The following SCAP variants were observed in gnomAD, a reference collection of about 807,000 sequenced individuals.
SCAP encodes SREBF chaperone, also known as sterol regulatory element-binding protein cleavage-activating protein.
SCAP carries 65 observed loss-of-function variants against 123.6 expected under a neutral mutation model. The ratio of observed to expected loss-of-function variants is 0.53; its 90% CI spans 0.43 to 0.65. The LOEUF (loss-of-function observed/expected upper bound fraction) is 0.65. Ranked by LOEUF, SCAP falls within the 30% of genes least tolerant of loss-of-function variation. SCAP has a pLI of 0.00. For synonymous variants in SCAP, 740 were observed against 726.3 expected (o/e 1.02, Z -0.30); for missense variants, 1,398 against 1,712.5 (o/e 0.82, Z 3.24).
intron 2 of SCAP, among the ~76,000 whole-genome samples, chr3:47,438,328 A>G (rs1360771565): frequency 6.6e-6 from 1 of 152,150 alleles, no homozygotes; most frequent in Non-Finnish European, 1.5e-5. Flanking sequence ...CTCAAAAACC[A>G]TTTATTAAGT....
Position 47,449,879 on chromosome 3 carries a change from T to A in SCAP, c.-98-6788A>T, listed in dbSNP as rs1316329921. On this transcript the variant is annotated intron_variant, in intron 1 of 22. Coordinates refer to ENST00000265565, the MANE Select transcript of SCAP (RefSeq NM_012235.4). ...CATGCATTCTGTCCAGGGATTTCAG[T>A]TGCTCTCTTCAGACATAAAGGGTGG... Among the ~76,000 whole-genome samples, 5 of 125,734 alleles carry A rather than the reference T, an allele frequency of 4.0e-5. 2 individuals are homozygous for A. Among genetic ancestry groups the A allele is most frequent in the Non-Finnish European group, 5.3e-5 (3 of 56,574 alleles). The allele number at this position is 125,734 out of a possible 152,430, so 82.5% of individuals were successfully genotyped here. A position where few individuals can be genotyped will look rare whatever the true frequency, so the allele number is the denominator to read the frequency against.
intron 1 of SCAP, among the ~76,000 whole-genome samples, chr3:47,464,839 T>C (rs1304931101): frequency 1.3e-5 from 2 of 152,206 alleles, no homozygotes; most frequent in African/African-American, 4.8e-5. Context: ...ATTATTTCCG[T>C]TCCTAGATGA....
In SCAP at chr3:47,426,185, G is replaced by C; in HGVS notation, c.738-16C>G. 1 of 1,609,232 alleles carries C rather than the reference G, an allele frequency of 6.2e-7. No homozygotes were observed. Among genetic ancestry groups the C allele is most frequent in the Non-Finnish European group, 8.5e-7 (1 of 1,178,698 alleles). On this transcript the variant is annotated splice_polypyrimidine_tract_variant and intron_variant, in intron 6 of 22. Transcript: ENST00000265565. ...GCCCAGGAACCTGGTCAAGGAGCAG[G>C]GTGGGGGTAAATGGAAGTGTTGCTC...
chr3:47,425,359 T>G (rs1706078744), intron 8 of SCAP, 126 bp downstream of exon 8: 2 of 1,029,704 alleles, frequency 1.9e-6, no homozygotes, highest in Admixed American at 3.1e-5. Context: ...ACCTCTTAAA[T>G]GTCAAAAACA....
chr3:47,442,892 C>A lies in SCAP; in HGVS notation c.102G>T (p.Gly34=). 6.2e-7 allele frequency: 1 copy of A among 1,614,168 alleles called. No individual in the cohort carries two copies. ...SYPIPIILFT[G]FCILACCYPL... ...CATACCAGCAGGCTAAGATGCAGAA[C>A]CCTGTGAAGAGGATGATGGGGATGG... The change falls in exon 2 of 23, where the codon GGG becomes GGT. Residue 34 remains glycine (G), a synonymous_variant. Transcript: ENST00000265565.
chr3:47,475,293 T>A (rs1708224022), intron 1 of SCAP: 1 of 152,238 alleles, frequency 6.6e-6, no homozygotes, highest in East Asian at 1.9e-4. Context: ...CACTCAGAAG[T>A]AAACAGAAGC....
intron 19 of SCAP, 28 bp downstream of exon 19, chr3:47,415,070 A>G (rs1426698758): frequency 6.3e-7 from 1 of 1,586,970 alleles, no homozygotes; most frequent in South Asian, 1.1e-5. Context: ...ACCAAGTGTG[A>G]ACACCTGCCC....
At chr3:47,426,603 A>G (rs997676242) in intron 6 of SCAP, among the ~76,000 whole-genome samples, 2 of 151,820 alleles carry the variant, frequency 1.3e-5, no homozygotes, top group Non-Finnish European at 2.9e-5. Flanking sequence ...ACGCCCGGCT[A>G]ATTTTTTGTA....
In SCAP at chr3:47,414,611, C is replaced by CA; in HGVS notation, c.3347_3348insT (p.Gln1116HisfsTer13). ...CGGTCGTGATGGCCCCTGAGTGGCC[C>CA]TGAAGGGTGAAGAGGCAGCACGAGT... On this transcript the variant is annotated frameshift_variant, in exon 21 of 23. Coordinates refer to ENST00000265565, the MANE Select transcript of SCAP (RefSeq NM_012235.4). LOFTEE classifies it high-confidence loss of function. 1.9e-6 allele frequency: 3 copies of CA among 1,613,460 alleles called. No individual in the cohort carries two copies. The highest frequency in any genetic ancestry group is 2.5e-6 in the Non-Finnish European group (3 of 1,180,030).
intron 2 of SCAP, among the ~76,000 whole-genome samples, chr3:47,440,745 A>G (rs1052090944): frequency 1.3e-5 from 2 of 152,146 alleles, no homozygotes; most frequent in African/African-American, 2.4e-5. Flanking sequence ...CTATAGTCCC[A>G]ACTACTCAGA....
chr3:47,414,456 C>A, intron 21 of SCAP, 70 bp from the exon 22 acceptor site: 1 of 1,598,878 alleles, frequency 6.3e-7, no homozygotes, highest in South Asian at 1.1e-5. Context: ...TGTCCCTGTG[C>A]CCCAGTGGGT....
intron 8 of SCAP, among the ~76,000 whole-genome samples, chr3:47,424,336 G>A (rs569222886): frequency 3.3e-5 from 5 of 152,346 alleles, no homozygotes; most frequent in Admixed American, 6.5e-5. Context: ...GCTGTGCAGC[G>A]CCACTGCTAG....
intron 1 of SCAP, among the ~76,000 whole-genome samples, chr3:47,457,143 A>T (rs776721986): frequency 3.2e-4 from 48 of 152,222 alleles, no homozygotes; most frequent in Admixed American, 2.5e-3. Flanking sequence ...CTATAAATGC[A>T]CAAAACACCT....
rs1292570834 is a variant in SCAP, at chr3:47,449,336, T to A, written c.-98-6245A>T. 3.2e-5 allele frequency among the ~76,000 whole-genome samples: 4 copies of A among 123,928 alleles called. 1 individual carries two copies. Among genetic ancestry groups the A allele is most frequent in the African/African-American group, 1.1e-4 (4 of 36,072 alleles). The allele number at this position is 123,928 out of a possible 152,430, so 81.3% of individuals were successfully genotyped here. Reference sequence around the variant, plus strand: ...CCTTTCCTGGTCTTCTGGCTAAAAGTCAGGGGTTTAATTTCCCTAACCTGC... The same window carrying A: ...CCTTTCCTGGTCTTCTGGCTAAAAGACAGGGGTTTAATTTCCCTAACCTGC... On this transcript the variant is annotated intron_variant, in intron 1 of 22. Transcript: ENST00000265565.
At chr3:47,466,154 A>T (rs58488052) in intron 1 of SCAP, among the ~76,000 whole-genome samples, 1 of 142,122 alleles carries the variant, frequency 7.0e-6, no homozygotes, top group African/African-American at 2.6e-5. Context: ...AAAAAAAAAA[A>T]AAAGAAAGAA....
intron 2 of SCAP, among the ~76,000 whole-genome samples, chr3:47,441,258 T>C (rs566181298): frequency 3.9e-5 from 6 of 152,064 alleles, no homozygotes; most frequent in African/African-American, 1.2e-4. Flanking sequence ...CATAGTACCA[T>C]CAGAGAGTAA....
At position 47,467,822 on chromosome 3, in the gene SCAP, C is replaced by T. The variant is rs747621578; in HGVS notation, c.-99+7977G>A. Among the ~76,000 whole-genome samples, 32 of 152,110 alleles carry T rather than the reference C, an allele frequency of 2.1e-4. No individual in the cohort carries two copies. In the South Asian group the frequency reaches 3.1e-3, roughly 15 times the overall value. On this transcript the variant is annotated intron_variant, in intron 1 of 22. Transcript: ENST00000265565. ...ACATGTGCCATGTTGGTGTGCTGCACCCGTTAACTCGTCATTTACATTAGG... is the reference window on the plus strand; with the variant it reads ...ACATGTGCCATGTTGGTGTGCTGCATCCGTTAACTCGTCATTTACATTAGG...
In SCAP at chr3:47,443,055, C is replaced by T; in HGVS notation, c.-62G>A. On this transcript the variant is annotated 5_prime_UTR_variant, in exon 2 of 23. In the 5' UTR this introduces an upstream ATG that the reference lacks. Coordinates refer to ENST00000265565, the MANE Select transcript of SCAP (RefSeq NM_012235.4). ...TGACCATGGATCACCCTGGCACACA[C>T]TTGACAGCACTGACAAAGAACAACA... 7 of 1,607,448 alleles carry T rather than the reference C, an allele frequency of 4.4e-6. No individual in the cohort carries two copies. The highest frequency in any genetic ancestry group is 1.1e-5 in the South Asian group (1 of 90,408).
Position 47,443,306 on chromosome 3 carries a change from T to TCTCTCC in SCAP, c.-98-221_-98-216dup, listed in dbSNP as rs1553646921. ...CTCTCTCTCTCTCTCTCTCTCTCTCTCTCTCCCTCCCCGCCCAACTCCCTC... is the reference window on the plus strand; with the variant it reads ...CTCTCTCTCTCTCTCTCTCTCTCTCTCTCTCCCTCTCCCTCCCCGCCCAACTCCCTC... On this transcript the variant is annotated intron_variant, in intron 1 of 22. Transcript: ENST00000265565. 8.4e-4 allele frequency: 81 copies of TCTCTCC among 96,018 alleles called. 5 individuals are homozygous for TCTCTCC. The highest frequency in any genetic ancestry group is 1.5e-3 in the East Asian group (5 of 3,260). The allele number at this position is 96,018 out of a possible 1,614,324, so 5.9% of individuals were successfully genotyped here.
Sources: allele counts gnomAD v4.1 joint callset (sites outside exome capture counted in the v4.1 genomes callset), GRCh38; gene constraint gnomAD v4.1.1; transcripts MANE v1.5; gene names NCBI Gene and HGNC (gene_info 2026-07-23, HGNC 2026-07-21).